Variants in NRG1 observed in about 807,000 individuals in gnomAD.
NRG1 encodes pro-neuregulin-1, membrane-bound isoform.
Under a neutral mutation model 63.8 loss-of-function variants are expected in NRG1, and 18 were observed. The ratio of observed to expected loss-of-function variants is 0.28; its 90% confidence interval spans 0.19 to 0.42. The LOEUF (loss-of-function observed/expected upper bound fraction) is 0.42, where lower values mean the gene tolerates loss of function less well. Ranked by LOEUF, NRG1 falls within the 10% of genes least tolerant of loss-of-function variation. The pLI is 1.00. For synonymous variants in NRG1, 302 were observed against 301.3 expected, an observed-to-expected ratio of 1.00 and a Z score of -0.02; for missense variants, 762 against 814.7, an observed-to-expected ratio of 0.94 and a Z score of 0.79.
chr8:31,855,344 T>C (rs1827741491), intron 1 of NRG1, among the ~76,000 whole-genome samples: 1 of 152,226 alleles, frequency 6.6e-6, no homozygotes, highest in Non-Finnish European at 1.5e-5. Context: ...TCTTGTTGAA[T>C]TGATCCCTTT....
chr8:32,024,004 TATGCGGCCAAG>T (rs1816855205), intron 1 of NRG1, among the ~76,000 whole-genome samples: 1 of 152,136 alleles, frequency 6.6e-6, no homozygotes, highest in Non-Finnish European at 1.5e-5. Context: ...CACTTAACAT[TATGCGGCCAAG>T]AGGTTACACT....
chr8:31,797,358 C>T (rs1821325216), intron 1 of NRG1, among the ~76,000 whole-genome samples: 1 of 152,096 alleles, frequency 6.6e-6, no homozygotes, highest in Non-Finnish European at 1.5e-5. Flanking sequence ...GTGATAGATG[C>T]TTGTTTAGTC....
chr8:32,428,670 C>G (rs1037788064), intron 1 of NRG1, among the ~76,000 whole-genome samples: 3 of 152,176 alleles, frequency 2.0e-5, no homozygotes, highest in South Asian at 2.1e-4. Flanking sequence ...TGAGGTGTCA[C>G]GACTCAGCAA....
chr8:32,042,926 A>G (rs1055458125), intron 1 of NRG1, among the ~76,000 whole-genome samples: 16 of 150,810 alleles, frequency 1.1e-4, no homozygotes, highest in African/African-American at 3.9e-4. Context: ...TCTGATATGT[A>G]TGGCTTTGAA....
At chr8:32,258,544 A>G (rs1850002096) in intron 1 of NRG1, among the ~76,000 whole-genome samples, 1 of 152,150 alleles carries the variant, frequency 6.6e-6, no homozygotes, top group Non-Finnish European at 1.5e-5. Context: ...ACAGTTCTGC[A>G]TGGCTAGGGA....
chr8:32,038,135 G>A (rs528429265), intron 1 of NRG1, among the ~76,000 whole-genome samples: 1 of 152,220 alleles, frequency 6.6e-6, no homozygotes, highest in Non-Finnish European at 1.5e-5. Flanking sequence ...GGTGGTGTGG[G>A]CTCACAAGGG....
chr8:32,741,937 G>A, intron 6 of NRG1, 71 bp from the exon 7 acceptor site: 1 of 1,142,862 alleles, frequency 8.7e-7, no homozygotes, highest in Non-Finnish European at 1.3e-6. Flanking sequence ...TTCCATAGGA[G>A]GAAAATTGCC....
chr8:32,052,271 GTTTTTTTT>G (rs5890615), intron 1 of NRG1, among the ~76,000 whole-genome samples: 3 of 91,410 alleles, frequency 3.3e-5, no homozygotes, highest in African/African-American at 7.7e-5. Context: ...CTTTCCTCCT[GTTTTTTTT>G]TTTTTTTTTT....
rs71208194 is a variant in NRG1 at position 32,554,915 on chromosome 8, T to TTCTC, written c.100+6101_100+6104dup. On this transcript the variant is annotated intron_variant, in intron 1 of 11. Coordinates refer to ENST00000356819, the Ensembl canonical transcript of NRG1. ...CTATTCCCCAAAGACTGCTTTTTTC[T>TTCTC]TCTCTCTCTCTCTCTTTTTTTTTTT... Among the ~76,000 whole-genome samples the TTCTC allele has an allele frequency of 1.2e-3, 170 of 147,078 alleles. 1 individual carries two copies. The highest frequency in any genetic ancestry group is 1.3e-3 in the South Asian group (6 of 4,640).
intron 1 of NRG1, among the ~76,000 whole-genome samples, chr8:32,069,798 C>T (rs1341511248): frequency 6.6e-6 from 1 of 152,156 alleles, no homozygotes; most frequent in Admixed American, 6.5e-5. Context: ...CAGGGACATC[C>T]TTCACCTGAG....
At chr8:32,323,435 C>T (rs933734905) in intron 1 of NRG1, among the ~76,000 whole-genome samples, 2 of 152,112 alleles carry the variant, frequency 1.3e-5, no homozygotes, top group African/African-American at 4.8e-5. Context: ...GGTGGAAAAT[C>T]ACAGCCAGGA....
At chr8:32,672,946 A>G (rs1330679012) in intron 5 of NRG1, among the ~76,000 whole-genome samples, 1 of 152,214 alleles carries the variant, frequency 6.6e-6, no homozygotes, top group Non-Finnish European at 1.5e-5. Context: ...ATAAGCCACA[A>G]ACAATGAAGT....
chr8:32,452,785 C>T (rs1055048535), intron 1 of NRG1, among the ~76,000 whole-genome samples: 5 of 152,102 alleles, frequency 3.3e-5, no homozygotes, highest in Admixed American at 2.6e-4. Flanking sequence ...TTAGACTGTT[C>T]GAACTATGTA....
At chr8:31,875,477 G>A (rs1829842778) in intron 1 of NRG1, among the ~76,000 whole-genome samples, 1 of 152,158 alleles carries the variant, frequency 6.6e-6, no homozygotes, top group South Asian at 2.1e-4. Context: ...TTTGAGGTTA[G>A]GAGCTGAGAA....
At chr8:32,564,329 G>C (rs1010812553) in intron 1 of NRG1, among the ~76,000 whole-genome samples, 7 of 152,124 alleles carry the variant, frequency 4.6e-5, no homozygotes, top group African/African-American at 1.7e-4. Flanking sequence ...CTGGAGGTTC[G>C]TTCATTTATT....
At chr8:31,694,420 T>C (rs1340495830) in intron 1 of NRG1, among the ~76,000 whole-genome samples, 1 of 152,234 alleles carries the variant, frequency 6.6e-6, no homozygotes, top group Non-Finnish European at 1.5e-5. Context: ...CAAAATGTAA[T>C]AGCTGCTGAG....
At chr8:32,649,644 A>C (rs1460333064) in intron 5 of NRG1, among the ~76,000 whole-genome samples, 1 of 152,216 alleles carries the variant, frequency 6.6e-6, no homozygotes, top group African/African-American at 2.4e-5. Flanking sequence ...AGAAACACAG[A>C]AAAACTTGAT....
chr8:32,023,006 A>AT (rs534043604), intron 1 of NRG1, among the ~76,000 whole-genome samples: 1 of 152,098 alleles, frequency 6.6e-6, no homozygotes, highest in Non-Finnish European at 1.5e-5. Context: ...AAATCATCTG[A>AT]TTTTTTACTC....
At chr8:31,838,711 A>G (rs2129607363) in intron 1 of NRG1, among the ~76,000 whole-genome samples, 1 of 152,166 alleles carries the variant, frequency 6.6e-6, no homozygotes, top group Admixed American at 6.5e-5. Flanking sequence ...GGCCTTTTGC[A>G]TGTATGCATC....
Sources: gnomAD v4.1 joint callset for allele counts (sites outside exome capture counted in the v4.1 genomes callset) on GRCh38, gnomAD v4.1.1 for gene constraint, MANE v1.5 for transcripts, NCBI Gene and HGNC (gene_info 2026-07-23, HGNC 2026-07-21) for gene names.